GPHN: variants seen among roughly 807,000 people sequenced by gnomAD.
GPHN encodes the protein gephyrin.
Under a neutral mutation model 95.5 loss-of-function variants are expected in GPHN, and 17 were observed. The observed-to-expected ratio is 0.18, with a 90% CI of 0.12 to 0.27. The LOEUF (loss-of-function observed/expected upper bound fraction) is 0.27, where lower values mean the gene tolerates loss of function less well. Ranked by LOEUF, GPHN falls within the 10% of genes least tolerant of loss-of-function variation. The pLI is 1.00. For synonymous variants in GPHN, 320 were observed against 322.5 expected, an observed-to-expected ratio of 0.99 and a Z score of 0.08; for missense variants, 660 against 978.1, an observed-to-expected ratio of 0.67 and a Z score of 4.34.
chr14:66,857,890 T>C (rs2062864159), intron 4 of GPHN, among the ~76,000 whole-genome samples: 2 of 152,100 alleles, frequency 1.3e-5, no homozygotes, highest in Non-Finnish European at 2.9e-5. Context: ...AGACGTAGCA[T>C]TGGACACAGT....
chr14:66,719,002 A>G (rs1045821213), intron 2 of GPHN, among the ~76,000 whole-genome samples: 2 of 152,124 alleles, frequency 1.3e-5, no homozygotes, highest in Non-Finnish European at 2.9e-5. Flanking sequence ...GCCGGCAGTC[A>G]CAGGCCTCAC....
At chr14:66,827,658 A>C (rs765298063) in intron 4 of GPHN, among the ~76,000 whole-genome samples, 1 of 152,048 alleles carries the variant, frequency 6.6e-6, no homozygotes, top group Non-Finnish European at 1.5e-5. Context: ...TCTTTTTTGC[A>C]TGTAATACCA....
At chr14:67,506,181 T>G in the GPHN span, among the ~76,000 whole-genome samples, 20 of 152,312 alleles carry the variant, frequency 1.3e-4, no homozygotes, top group African/African-American at 4.8e-4. Context: ...TATTTTTATT[T>G]TATTTTATTT....
At chr14:67,677,560 A>C in the GPHN span, 1 of 150,704 alleles carries the variant, frequency 6.6e-6, no homozygotes. Flanking sequence ...ATTATCTTCC[A>C]GTATTCTCCT....
intron 1 of GPHN, among the ~76,000 whole-genome samples, chr14:66,672,081 T>A (rs1348178630): frequency 6.6e-6 from 1 of 152,136 alleles, no homozygotes; most frequent in Non-Finnish European, 1.5e-5. Flanking sequence ...ATGCATTCAA[T>A]GTTATAAATT....
Position 66,796,834 on chromosome 14 carries a change from A to G in GPHN, c.201+20313A>G, listed in dbSNP as rs116212547. 7.6e-3 allele frequency among the ~76,000 whole-genome samples: 1,159 copies of G among 151,900 alleles called. 7 individuals are homozygous for G. Among genetic ancestry groups the G allele is most frequent in the African/African-American group, 0.027 (1,106 of 41,456 alleles). On this transcript the variant is annotated intron_variant, in intron 3 of 22. Transcript: ENST00000478722. ...AAGACATTTAATGTGATATACTCCTATTTGTCCATTTTTGCTTTGGTTACC... is the reference window on the plus strand; with the variant it reads ...AAGACATTTAATGTGATATACTCCTGTTTGTCCATTTTTGCTTTGGTTACC...
chr14:67,108,147 T>C (rs1489095422), intron 13 of GPHN, among the ~76,000 whole-genome samples: 1 of 152,172 alleles, frequency 6.6e-6, no homozygotes, highest in Non-Finnish European at 1.5e-5. Context: ...TACCACATCT[T>C]AGTCTGAAGG....
At chr14:67,262,967 A>T in the GPHN span, among the ~76,000 whole-genome samples, 1 of 152,180 alleles carries the variant, frequency 6.6e-6, no homozygotes, top group African/African-American at 2.4e-5. Flanking sequence ...TTTAAAAAAA[A>T]CTTTGCTAGC....
At chr14:67,477,733 A>G in the GPHN span, among the ~76,000 whole-genome samples, 1,921 of 152,314 alleles carry the variant, frequency 0.013, 43 homozygotes, top group African/African-American at 0.044. Flanking sequence ...TGAATTCAAG[A>G]CTAGCCTAGA....
chr14:66,606,145 A>T (rs780419186), intron 1 of GPHN, among the ~76,000 whole-genome samples: 6 of 152,082 alleles, frequency 3.9e-5, no homozygotes, highest in Non-Finnish European at 8.8e-5. Context: ...TTACATCTTT[A>T]ATCCATCTTG....
intron 11 of GPHN, among the ~76,000 whole-genome samples, chr14:67,085,322 A>T (rs2076840281): frequency 6.6e-6 from 1 of 152,254 alleles, no homozygotes; most frequent in African/African-American, 2.4e-5. Flanking sequence ...GACAGAAATC[A>T]AGTGAGCTGA....
the GPHN span, among the ~76,000 whole-genome samples, chr14:67,277,448 G>A: frequency 6.6e-6 from 1 of 152,170 alleles, no homozygotes; most frequent in Non-Finnish European, 1.5e-5. Context: ...GACCCAAGAT[G>A]TTTGAGAAAA....
intron 4 of GPHN, among the ~76,000 whole-genome samples, chr14:66,845,502 TAAAA>T (rs1171949911): frequency 6.6e-6 from 1 of 152,036 alleles, no homozygotes; most frequent in Non-Finnish European, 1.5e-5. Context: ...AGTTAAATTT[TAAAA>T]AAATAACCAA....
At chr14:67,064,849 G>A (rs541819834) in intron 11 of GPHN, among the ~76,000 whole-genome samples, 187 of 152,008 alleles carry the variant, frequency 1.2e-3, no homozygotes, top group African/African-American at 4.1e-3. Context: ...TCATGCTAGC[G>A]GTCTATCAAT....
chr14:67,628,620 C>T, the GPHN span, among the ~76,000 whole-genome samples: 13 of 152,316 alleles, frequency 8.5e-5, no homozygotes, highest in Middle Eastern at 3.4e-3. Context: ...CATTTACCAT[C>T]TTCTAGACAC....
chr14:67,333,165 C>T, the GPHN span: 4 of 402,424 alleles, frequency 9.9e-6, no homozygotes, highest in Admixed American at 4.1e-5. Context: ...ATGGCTTTAG[C>T]GGTTCTTGCC....
At chr14:66,939,161 A>G (rs897947990) in intron 8 of GPHN, among the ~76,000 whole-genome samples, 2 of 152,328 alleles carry the variant, frequency 1.3e-5, no homozygotes, top group African/African-American at 2.4e-5. Flanking sequence ...ACTGGCAACA[A>G]CAGCAAAAAG....
In GPHN at chr14:66,924,246, C is replaced by T. The variant is rs2066363083; in HGVS notation, c.782C>T (p.Pro261Leu). 1 of 1,611,744 alleles carries T rather than the reference C, an allele frequency of 6.2e-7. No individual in the cohort carries two copies. The highest frequency in any genetic ancestry group is 8.5e-7 in the Non-Finnish European group (1 of 1,177,874). Residue 261 changes from proline to leucine, a missense_variant, in exon 8 of 23, where the codon CCC (proline) becomes CTC (leucine). Physicochemically the swap from Pro to Leu is moderately conservative, Grantham distance 98 (BLOSUM62 -3). This residue lies in a region of GPHN where 190 missense variants were observed against 224.7 expected (regional missense o/e 0.85). Transcript: ENST00000478722. Reference protein sequence around the residue: ...PAVVMAHGEQPIPGLINYSHH... With the variant: ...PAVVMAHGEQLIPGLINYSHH... ...GTTGTCATGGCACACGGTGAACAGC[C>T]CATCCCTGGTCTCATCAATTATTCC...
At chr14:66,582,768 T>G (rs1311723529) in intron 1 of GPHN, among the ~76,000 whole-genome samples, 2 of 152,212 alleles carry the variant, frequency 1.3e-5, no homozygotes, top group African/African-American at 2.4e-5. Context: ...CCACATTTTC[T>G]TAATCCAGTC....
Sources: allele counts gnomAD v4.1 joint callset (sites outside exome capture counted in the v4.1 genomes callset), GRCh38; gene constraint gnomAD v4.1.1; regional missense constraint gnomAD v4.1.1; transcripts MANE v1.5; gene names NCBI Gene and HGNC (gene_info 2026-07-23, HGNC 2026-07-21).